The following PPIG variants were observed in gnomAD, a reference collection of about 807,000 sequenced individuals.
PPIG encodes the protein peptidyl-prolyl cis-trans isomerase G.
In PPIG, 26 loss-of-function variants were observed where a neutral mutation model predicts 87.9. That is an observed-to-expected ratio of 0.30 (90% CI 0.22 to 0.41). The LOEUF is 0.41. Among genes scored for constraint, PPIG ranks in the 10% least tolerant of loss-of-function variants. PPIG has a pLI of 1.00. For synonymous variants in PPIG, 308 were observed against 276.5 expected, an observed-to-expected ratio of 1.11 and a Z score of -1.13; for missense variants, 722 against 879.4, an observed-to-expected ratio of 0.82 and a Z score of 2.26.
intron 1 of PPIG, among the ~76,000 whole-genome samples, chr2:169,590,137 A>AAAAAAAG (rs1684821816): frequency 6.6e-6 from 1 of 151,800 alleles, no homozygotes; most frequent in South Asian, 2.1e-4. Context: ...ACCAAAAAAA[A>AAAAAAAG]AAAAGAAAAG....
At chr2:169,631,734 G>A in intron 10 of PPIG, 32 bp from the exon 11 acceptor site, 1 of 1,612,958 alleles carries the variant, frequency 6.2e-7, no homozygotes, top group East Asian at 2.2e-5. Context: ...ATAACCAACT[G>A]TAACTTGTTT....
chr2:169,623,488 C>T (rs1322516958), intron 9 of PPIG, among the ~76,000 whole-genome samples: 2 of 152,076 alleles, frequency 1.3e-5, no homozygotes, highest in African/African-American at 4.8e-5. Flanking sequence ...CACAGAAACA[C>T]AAGAACAGAG....
chr2:169,600,075 A>T (rs1685137346), intron 1 of PPIG, among the ~76,000 whole-genome samples: 1 of 140,354 alleles, frequency 7.1e-6, no homozygotes, highest in African/African-American at 2.5e-5. Context: ...AGAGGAAAAA[A>T]AAATTTTTTT....
rs1686185483 is a variant in PPIG, at chr2:169,636,579, A to T, written c.1321A>T (p.Asn441Tyr). The T allele has an allele frequency of 6.3e-7, 1 of 1,597,840 alleles. No individual in the cohort carries two copies. Among genetic ancestry groups the T allele is most frequent in the Admixed American group, 1.8e-5 (1 of 55,682 alleles). ...CAGCAAAGAGAGAGACATCAGAAGA[A>T]ATTCAGAAAAAGATGACAAGTATAA... ...SNSKERDIRR[N>Y]SEKDDKYKNK... is the part of the protein sequence containing the mutation. The change falls in exon 14 of 14, where the codon AAT becomes TAT. Residue 441 changes from asparagine to tyrosine, a missense_variant. Physicochemically the swap from Asn to Tyr is moderately radical, Grantham distance 143. Around this residue, in one of 4 missense-constraint regions of PPIG, gnomAD observed 476 missense variants for 483.1 expected, o/e 0.99. Coordinates refer to ENST00000260970, the MANE Select transcript of PPIG (RefSeq NM_004792.3).
At position 169,639,077 on chromosome 2, in the gene PPIG, GT is replaced by G. The variant is rs943651678; in HGVS notation, c.*1555del. 1.7e-4 allele frequency: 26 copies of G among 152,016 alleles called. No individual in the cohort carries two copies. The highest frequency in any genetic ancestry group is 5.3e-4 in the African/African-American group (22 of 41,434). 9.4% of individuals were successfully genotyped at this position (152,016 alleles called of 1,614,324 possible). A position where few individuals can be genotyped will look rare whatever the true frequency, so the allele number is the denominator to read the frequency against. ...ATGCAATATTGATATATTTGGCGTT[GT>G]GGTAGCTGTTGCAGAATGAATAGTG... On this transcript the variant is annotated 3_prime_UTR_variant, in exon 14 of 14. Coordinates refer to ENST00000260970, the MANE Select transcript of PPIG (RefSeq NM_004792.3).
chr2:169,627,031 A>C (rs748507130), intron 9 of PPIG, among the ~76,000 whole-genome samples: 1 of 151,984 alleles, frequency 6.6e-6, no homozygotes, highest in Non-Finnish European at 1.5e-5. Flanking sequence ...TCTTATAGTT[A>C]ATGTTTTCTG....
In PPIG at chr2:169,628,182, C is replaced by A. The variant is rs904731012; in HGVS notation, c.548-2592C>A. ...TTAAGAAAGGATATAGGGCAGGAAA[C>A]GGCATGGCTGGTACATCAACAGCAT... is the stretch of plus-strand genomic sequence containing the variant. On this transcript the variant is annotated intron_variant, in intron 9 of 13. Transcript: ENST00000260970. Among the ~76,000 whole-genome samples, 5 of 152,240 alleles carry A rather than the reference C, an allele frequency of 3.3e-5. No homozygotes were observed. The South Asian group carries it at 8.3e-4, about 25-fold the overall frequency.
intron 9 of PPIG, among the ~76,000 whole-genome samples, chr2:169,626,855 G>A (rs547681040): frequency 1.3e-5 from 2 of 151,430 alleles, no homozygotes; most frequent in Admixed American, 6.6e-5. Flanking sequence ...AACTACAGGC[G>A]CCCATCACCA....
In PPIG at chr2:169,614,715, A is replaced by G; in HGVS notation, c.538A>G (p.Lys180Glu). The G allele has an allele frequency of 6.2e-7, 1 of 1,600,484 alleles. No individual in the cohort carries two copies. The highest frequency in any genetic ancestry group is 8.5e-7 in the Non-Finnish European group (1 of 1,177,174). ...ACTCAGTTGTGGAGAGCTGATTCCC[A>G]AATCTAAAGGTAAAAAGGAAGTACA... Reference protein sequence around the residue: ...RILSCGELIPKSKVKKEEKKR... With the variant: ...RILSCGELIPESKVKKEEKKR... Residue 180 changes from lysine to glutamate, a missense_variant, in exon 9 of 14, where the codon AAA (lysine) becomes GAA (glutamate). Lys to Glu is a moderately conservative substitution (Grantham distance 56). Coordinates refer to ENST00000260970, the MANE Select transcript of PPIG (RefSeq NM_004792.3).
chr2:169,609,276 A>G (rs1331072009), intron 7 of PPIG, among the ~76,000 whole-genome samples: 1 of 151,926 alleles, frequency 6.6e-6, no homozygotes, highest in Non-Finnish European at 1.5e-5. Flanking sequence ...TGTTGCAATC[A>G]TGGCTCACCA....
At chr2:169,588,468 T>A (rs552158777) in intron 1 of PPIG, among the ~76,000 whole-genome samples, 27 of 152,228 alleles carry the variant, frequency 1.8e-4, no homozygotes, top group Admixed American at 3.3e-4. Flanking sequence ...CCTCTTGTTC[T>A]TGATCTATAA....
At chr2:169,617,085 G>A (rs1574455126) in intron 9 of PPIG, among the ~76,000 whole-genome samples, 2 of 152,136 alleles carry the variant, frequency 1.3e-5, no homozygotes, top group South Asian at 4.1e-4. Flanking sequence ...CATATGGCTA[G>A]CCAGTTTCCT....
At chr2:169,628,019 C>CAT (rs1040081474) in intron 9 of PPIG, among the ~76,000 whole-genome samples, 43 of 152,012 alleles carry the variant, frequency 2.8e-4, no homozygotes, top group African/African-American at 9.7e-4. Context: ...ATTAGTTTAG[C>CAT]ATATATAAGT....
At chr2:169,606,387 T>C (rs1342160792) in intron 5 of PPIG, among the ~76,000 whole-genome samples, 3 of 151,780 alleles carry the variant, frequency 2.0e-5, no homozygotes, top group East Asian at 3.9e-4. Flanking sequence ...AGGTCAGTAG[T>C]TCGAGACCAG....
At chr2:169,602,028 T>C (rs1574442722) in intron 1 of PPIG, among the ~76,000 whole-genome samples, 1 of 152,282 alleles carries the variant, frequency 6.6e-6, no homozygotes, top group East Asian at 1.9e-4. Flanking sequence ...TTTCTGAGCA[T>C]CACAATTGAA....
intron 9 of PPIG, among the ~76,000 whole-genome samples, chr2:169,630,081 C>A (rs73025328): frequency 3.3e-5 from 5 of 151,588 alleles, no homozygotes; most frequent in African/African-American, 1.2e-4. Context: ...TCTTCTAATT[C>A]TTGTTATGTT....
chr2:169,614,826 A>C (rs1685570442), intron 9 of PPIG, 102 bp downstream of exon 9: 1 of 1,353,810 alleles, frequency 7.4e-7, no homozygotes, highest in South Asian at 1.7e-5. Context: ...TGAAAGAAAA[A>C]TGAGGTTTTT....
intron 1 of PPIG, among the ~76,000 whole-genome samples, chr2:169,594,277 A>G (rs1684954258): frequency 1.3e-5 from 2 of 151,576 alleles, no homozygotes; most frequent in South Asian, 2.1e-4. Context: ...TTCCATTTGT[A>G]CATGTGTTGA....
rs1011050532 is a variant in PPIG at position 169,640,391 on chromosome 2, A to C, written c.*2868A>C. Reference sequence around the variant, plus strand: ...CTCTGGTATTTTGGGTAGTGGTATTAACTTGACAATTCTAATTTATTTTAG... The same window carrying C: ...CTCTGGTATTTTGGGTAGTGGTATTCACTTGACAATTCTAATTTATTTTAG... On this transcript the variant is annotated 3_prime_UTR_variant, in exon 14 of 14. Transcript: ENST00000260970. The C allele has an allele frequency of 6.6e-6, 1 of 152,194 alleles. No individual in the cohort carries two copies. The highest frequency in any genetic ancestry group is 1.5e-5 in the Non-Finnish European group (1 of 68,030). The allele number at this position is 152,194 out of a possible 1,614,324, so 9.4% of individuals were successfully genotyped here. A position where few individuals can be genotyped will look rare whatever the true frequency, so the allele number is the denominator to read the frequency against.
Sources: allele counts gnomAD v4.1 joint callset (sites outside exome capture counted in the v4.1 genomes callset), GRCh38; gene constraint gnomAD v4.1.1; regional missense constraint gnomAD v4.1.1; transcripts MANE v1.5; gene names NCBI Gene and HGNC (gene_info 2026-07-23, HGNC 2026-07-21).